The following FRMD3 variants were observed in gnomAD, a reference collection of about 807,000 sequenced individuals.
FRMD3 encodes the protein FERM domain containing 3.
In FRMD3, 33 loss-of-function variants were observed where a neutral mutation model predicts 70.2. The ratio of observed to expected loss-of-function variants is 0.47; its 90% confidence interval spans 0.36 to 0.63. The LOEUF is 0.63. Ranked by LOEUF, FRMD3 falls within the 20% of genes least tolerant of loss-of-function variation. FRMD3 has a pLI of 0.00. For synonymous variants in FRMD3, 279 were observed against 255.9 expected (o/e 1.09, Z -0.86); for missense variants, 632 against 711.4 (o/e 0.89, Z 1.27).
At chr9:83,274,682 G>C (rs1343944371) in intron 13 of FRMD3, among the ~76,000 whole-genome samples, 1 of 152,176 alleles carries the variant, frequency 6.6e-6, no homozygotes, top group Non-Finnish European at 1.5e-5. Context: ...GGAGAGGAGG[G>C]TGGAGGCCAG....
intron 13 of FRMD3, among the ~76,000 whole-genome samples, chr9:83,280,901 C>T (rs1833955454): frequency 6.6e-6 from 1 of 152,150 alleles, no homozygotes; most frequent in African/African-American, 2.4e-5. Context: ...TCTGCCAAAC[C>T]AGGAAGGAGA....
chr9:83,444,791 A>C (rs1463174569), intron 1 of FRMD3, among the ~76,000 whole-genome samples: 1 of 152,138 alleles, frequency 6.6e-6, no homozygotes, highest in African/African-American at 2.4e-5. Context: ...CCCAAGTTGG[A>C]GTTAAGACTG....
chr9:83,396,866 G>A (rs970736203), intron 1 of FRMD3, among the ~76,000 whole-genome samples: 7 of 152,204 alleles, frequency 4.6e-5, no homozygotes, highest in African/African-American at 1.7e-4. Flanking sequence ...TCACTCCGGA[G>A]AGAAGGTAAA....
intron 2 of FRMD3, 45 bp from the exon 3 acceptor site, chr9:83,373,000 T>G: frequency 6.6e-7 from 1 of 1,524,098 alleles, no homozygotes. Context: ...GTCAAATTGC[T>G]GGACCATACA....
intron 1 of FRMD3, among the ~76,000 whole-genome samples, chr9:83,404,434 C>A (rs1320024420): frequency 6.6e-6 from 1 of 152,150 alleles, no homozygotes; most frequent in Non-Finnish European, 1.5e-5. Flanking sequence ...CACATCCAAT[C>A]TACCAGCTCT....
intron 1 of FRMD3, among the ~76,000 whole-genome samples, chr9:83,457,417 T>C (rs887528963): frequency 1.3e-5 from 2 of 152,158 alleles, no homozygotes; most frequent in African/African-American, 4.8e-5. Context: ...CACACCCTCA[T>C]TGACCCCATG....
chr9:83,314,567 T>C lies in FRMD3; in HGVS notation c.597-820A>G, dbSNP rs148200328. On this transcript the variant is annotated intron_variant, in intron 6 of 13. Transcript: ENST00000304195. ...ACTTAACTTCCTTCCCAAAGACGGATTGTCCCCCCACCCCCTCAAGATAGC... is the reference window on the plus strand; with the variant it reads ...ACTTAACTTCCTTCCCAAAGACGGACTGTCCCCCCACCCCCTCAAGATAGC... Among the ~76,000 whole-genome samples, 1,498 of 152,176 alleles carry C rather than the reference T, an allele frequency of 9.8e-3. 7 individuals are homozygous for C. Among genetic ancestry groups the C allele is most frequent in the South Asian group, 0.028 (134 of 4,804 alleles).
At chr9:83,258,165 GAT>G (rs1832807018) in intron 13 of FRMD3, among the ~76,000 whole-genome samples, 1 of 152,092 alleles carries the variant, frequency 6.6e-6, no homozygotes, top group Non-Finnish European at 1.5e-5. Flanking sequence ...ATGCCCTAAA[GAT>G]ATGTCAGGCA....
the FRMD3 span, among the ~76,000 whole-genome samples, chr9:83,546,621 A>T: frequency 6.6e-6 from 1 of 152,346 alleles, no homozygotes; most frequent in East Asian, 1.9e-4. Context: ...GCAACTAGGT[A>T]ACAATTAACA....
At chr9:83,488,972 TTGTGTGTGTGTGTGTGTGTG>T (rs4014025) in intron 1 of FRMD3, among the ~76,000 whole-genome samples, 10,405 of 135,632 alleles carry the variant, frequency 0.077, 452 homozygotes, top group East Asian at 0.18. Flanking sequence ...CCCTATACCT[TTGTGTGTGTGTGTGTGTGTG>T]TGTGTGTGTG....
At chr9:83,297,678 T>C (rs138272817) in intron 12 of FRMD3, 1 of 465,748 alleles carries the variant, frequency 2.1e-6, no homozygotes, top group Admixed American at 2.4e-5. Context: ...CCAACATGCC[T>C]GGAGCCAAGA....
In FRMD3 at chr9:83,411,127, G is replaced by A. The variant is rs554082756; in HGVS notation, c.148-21419C>T. ...ATCACCTGCCCCTTAGAGACGTGGC[G>A]TATTAAACAGACCATTTCCTTCTGT... On this transcript the variant is annotated intron_variant, in intron 1 of 13. Coordinates refer to ENST00000304195, the MANE Select transcript of FRMD3 (RefSeq NM_174938.6). Among the ~76,000 whole-genome samples, 22 of 152,276 alleles carry A rather than the reference G, an allele frequency of 1.4e-4. No individual in the cohort carries two copies. The East Asian group carries it at 3.5e-3, about 24-fold the overall frequency.
chr9:83,314,696 G>A (rs548945375), intron 6 of FRMD3, among the ~76,000 whole-genome samples: 1 of 152,076 alleles, frequency 6.6e-6, no homozygotes, highest in South Asian at 2.1e-4. Flanking sequence ...ACACTGATAC[G>A]TCTGAAGTCA....
At chr9:83,450,304 T>G (rs1468782264) in intron 1 of FRMD3, among the ~76,000 whole-genome samples, 1 of 150,926 alleles carries the variant, frequency 6.6e-6, no homozygotes, top group African/African-American at 2.4e-5. Context: ...CTGGATATAT[T>G]GTGACAGCCA....
chr9:83,337,920 A>T (rs1823631575), intron 5 of FRMD3, among the ~76,000 whole-genome samples: 1 of 152,244 alleles, frequency 6.6e-6, no homozygotes, highest in Non-Finnish European at 1.5e-5. Context: ...TGATCATACC[A>T]AAATTAAAAT....
At chr9:83,424,792 A>G (rs1001498303) in intron 1 of FRMD3, among the ~76,000 whole-genome samples, 9 of 152,336 alleles carry the variant, frequency 5.9e-5, no homozygotes, top group South Asian at 2.1e-4. Flanking sequence ...AAATGATCCC[A>G]ATTAATCATA....
chr9:83,297,552 A>G, intron 12 of FRMD3: 4 of 312,016 alleles, frequency 1.3e-5, no homozygotes, highest in South Asian at 2.9e-5. Flanking sequence ...GATGAATGAT[A>G]TGTTTTATCA....
At chr9:83,578,410 C>T in the FRMD3 span, among the ~76,000 whole-genome samples, 10 of 151,884 alleles carry the variant, frequency 6.6e-5, no homozygotes, top group Non-Finnish European at 1.0e-4. Context: ...CCCTGATGAA[C>T]ATAGATGGAA....
At chr9:83,411,263 C>T (rs1483898228) in intron 1 of FRMD3, among the ~76,000 whole-genome samples, 4 of 152,212 alleles carry the variant, frequency 2.6e-5, no homozygotes, top group Admixed American at 2.0e-4. Flanking sequence ...AGTTCACCTT[C>T]TTGGTGCTAG....
Sources: allele counts gnomAD v4.1 joint callset (sites outside exome capture counted in the v4.1 genomes callset), GRCh38; gene constraint gnomAD v4.1.1; transcripts MANE v1.5; gene names NCBI Gene and HGNC (gene_info 2026-07-23, HGNC 2026-07-21).